The following KHDRBS2 variants were observed in gnomAD, a reference collection of about 807,000 sequenced individuals.
KHDRBS2 encodes the protein KH RNA binding domain containing, signal transduction associated 2, also known as KH domain-containing, RNA-binding, signal transduction-associated protein 2.
In KHDRBS2, 26 loss-of-function variants were observed where a neutral mutation model predicts 44.3. The observed-to-expected ratio is 0.59, with a 90% CI of 0.43 to 0.81. KHDRBS2 has a LOEUF of 0.81. Among genes scored for constraint, KHDRBS2 ranks in the 40% least tolerant of loss-of-function variants. The pLI is 0.00. For missense variants in KHDRBS2, 476 were observed against 433.1 expected, an observed-to-expected ratio of 1.10 and a Z score of -0.88; for synonymous variants, 194 against 151.1, an observed-to-expected ratio of 1.28 and a Z score of -2.08.
At chr6:61,978,372 A>G (rs1287800997) in intron 3 of KHDRBS2, among the ~76,000 whole-genome samples, 160 bp from the exon 4 acceptor site, 1 of 152,134 alleles carries the variant, frequency 6.6e-6, no homozygotes, top group Non-Finnish European at 1.5e-5. Context: ...AATCTGCTAC[A>G]AGCCATTTAA....
At chr6:61,674,227 AAT>A in the KHDRBS2 span, among the ~76,000 whole-genome samples, 2 of 151,468 alleles carry the variant, frequency 1.3e-5, no homozygotes, top group African/African-American at 4.9e-5. Context: ...ATCAAAGTAA[AAT>A]GACTGACTTC....
At chr6:61,617,414 G>A in the KHDRBS2 span, among the ~76,000 whole-genome samples, 1 of 137,160 alleles carries the variant, frequency 7.3e-6, no homozygotes, top group South Asian at 2.3e-4. Flanking sequence ...ATCTTATTTT[G>A]ATTATCTTCT....
chr6:62,212,365 A>T (rs1829206263), intron 1 of KHDRBS2, among the ~76,000 whole-genome samples: 1 of 152,136 alleles, frequency 6.6e-6, no homozygotes, highest in East Asian at 1.9e-4. Flanking sequence ...TAATAGAGAG[A>T]TATAAGATTT....
chr6:62,237,260 C>T (rs552373409), intron 1 of KHDRBS2, among the ~76,000 whole-genome samples: 51 of 152,190 alleles, frequency 3.4e-4, no homozygotes, highest in Admixed American at 5.2e-4. Context: ...TTCATAATGG[C>T]TGTGTGGTGG....
intron 1 of KHDRBS2, among the ~76,000 whole-genome samples, chr6:62,280,755 G>C (rs1347638218): frequency 6.6e-6 from 1 of 152,184 alleles, no homozygotes; most frequent in Admixed American, 6.5e-5. Flanking sequence ...GTTGACAGCT[G>C]CTATAAAGAA....
chr6:61,842,569 C>G (rs913750141), intron 6 of KHDRBS2, among the ~76,000 whole-genome samples: 2 of 152,124 alleles, frequency 1.3e-5, no homozygotes, highest in Non-Finnish European at 2.9e-5. Context: ...TGGCCAAATA[C>G]ACACATCAGA....
chr6:62,175,987 C>A (rs1821011037), intron 2 of KHDRBS2, among the ~76,000 whole-genome samples: 1 of 151,288 alleles, frequency 6.6e-6, no homozygotes, highest in Non-Finnish European at 1.5e-5. Context: ...TTCCAAGAAA[C>A]ATCATCAAGT....
chr6:61,582,917 C>T, the KHDRBS2 span, among the ~76,000 whole-genome samples: 1 of 151,594 alleles, frequency 6.6e-6, no homozygotes, highest in Non-Finnish European at 1.5e-5. Flanking sequence ...GAAAATTGGA[C>T]AAAATTAATT....
At chr6:61,565,491 G>T in the KHDRBS2 span, among the ~76,000 whole-genome samples, 1 of 152,026 alleles carries the variant, frequency 6.6e-6, no homozygotes, top group African/African-American at 2.4e-5. Context: ...AATTTAATTT[G>T]TAAATGGGCA....
intron 2 of KHDRBS2, among the ~76,000 whole-genome samples, chr6:62,070,883 T>G (rs1429900706): frequency 3.9e-5 from 6 of 152,188 alleles, no homozygotes. Context: ...TCAAATGGTA[T>G]TTCTAGTTCT....
rs56165057 is a variant in KHDRBS2, at chr6:62,116,289, C to G, written c.219+60896G>C. 2.6e-5 allele frequency among the ~76,000 whole-genome samples: 4 copies of G among 152,062 alleles called. No homozygotes were observed. The East Asian group carries it at 7.7e-4, about 29-fold the overall frequency. On this transcript the variant is annotated intron_variant, in intron 2 of 8. Coordinates refer to ENST00000281156, the MANE Select transcript of KHDRBS2 (RefSeq NM_152688.4). ...GTCACCGTGCTGTGGAATAGCTTTC[C>G]AAAAACATATTTCTCCTGTCTAACT...
chr6:61,754,296 A>G (rs1444851972), intron 6 of KHDRBS2, among the ~76,000 whole-genome samples: 1 of 152,232 alleles, frequency 6.6e-6, no homozygotes, highest in East Asian at 1.9e-4. Context: ...TGGAGCAATG[A>G]CCTGACCCAT....
At chr6:61,543,753 G>A in the KHDRBS2 span, among the ~76,000 whole-genome samples, 1 of 152,058 alleles carries the variant, frequency 6.6e-6, no homozygotes, top group Non-Finnish European at 1.5e-5. Context: ...TATACACAAT[G>A]GAGTACTATT....
chr6:62,265,771 A>G (rs768905556), intron 1 of KHDRBS2, among the ~76,000 whole-genome samples: 1 of 152,050 alleles, frequency 6.6e-6, no homozygotes, highest in South Asian at 2.1e-4. Flanking sequence ...AAGGCAGAAC[A>G]TGGCAATGGG....
intron 5 of KHDRBS2, among the ~76,000 whole-genome samples, chr6:61,897,932 T>C (rs921245666): frequency 2.6e-5 from 4 of 152,170 alleles, no homozygotes; most frequent in Non-Finnish European, 5.9e-5. Context: ...ATAGTGGTGA[T>C]GTGTGTTAGA....
chr6:61,745,584 A>T (rs1238352959), intron 6 of KHDRBS2, among the ~76,000 whole-genome samples: 3 of 152,198 alleles, frequency 2.0e-5, no homozygotes, highest in Non-Finnish European at 4.4e-5. Context: ...CTCACCAGAA[A>T]GAGACAGATA....
rs183104756 is a variant in KHDRBS2 at position 61,697,160 on chromosome 6, C to G, written c.952+35G>C. 23 of 1,349,214 alleles carry G rather than the reference C, an allele frequency of 1.7e-5. No individual in the cohort carries two copies. In the East Asian group the frequency reaches 5.3e-4, roughly 31 times the overall value. The allele number at this position is 1,349,214 out of a possible 1,614,324, so 83.6% of individuals were successfully genotyped here. A position where few individuals can be genotyped will look rare whatever the true frequency, so the allele number is the denominator to read the frequency against. On this transcript the variant is annotated intron_variant, in intron 8 of 8. Transcript: ENST00000281156. Reference sequence around the variant, plus strand: ...GAATTGTCGGTGACTGATGGATGTTCCGATTTCACAGTTTTAGTAAAGAAA... The same window carrying G: ...GAATTGTCGGTGACTGATGGATGTTGCGATTTCACAGTTTTAGTAAAGAAA...
At chr6:62,017,892 T>C (rs975425136) in intron 3 of KHDRBS2, among the ~76,000 whole-genome samples, 14 of 152,106 alleles carry the variant, frequency 9.2e-5, no homozygotes, top group Admixed American at 7.9e-4. Context: ...CAATTTTTAA[T>C]ACATCAATTT....
At chr6:62,159,144 T>A (rs1449369758) in intron 2 of KHDRBS2, among the ~76,000 whole-genome samples, 2 of 152,166 alleles carry the variant, frequency 1.3e-5, no homozygotes, top group Admixed American at 1.3e-4. Context: ...ATGTTCAATA[T>A]GCTGCACTTA....
Sources: gnomAD v4.1 joint callset for allele counts (sites outside exome capture counted in the v4.1 genomes callset) on GRCh38, gnomAD v4.1.1 for gene constraint, MANE v1.5 for transcripts, NCBI Gene and HGNC (gene_info 2026-07-23, HGNC 2026-07-21) for gene names.